MERTK: variants seen among roughly 807,000 people sequenced by gnomAD.
The protein encoded by MERTK is MER proto-oncogene, tyrosine kinase.
Under a neutral mutation model 99.3 loss-of-function variants are expected in MERTK, and 69 were observed. The ratio of observed to expected loss-of-function variants is 0.70; its 90% confidence interval spans 0.57 to 0.85. MERTK has a LOEUF of 0.85. Among genes scored for constraint, MERTK ranks in the 40% least tolerant of loss-of-function variants. The pLI is 0.00. For missense variants in MERTK, 1,125 were observed against 1,249.4 expected (o/e 0.90, Z 1.50); for synonymous variants, 426 against 467.6 (o/e 0.91, Z 1.15).
Position 111,982,831 on chromosome 2 carries a change from T to C in MERTK, c.1145-11T>C, listed in dbSNP as rs1676399201. The C allele has an allele frequency of 6.2e-7, 1 of 1,613,850 alleles. No individual in the cohort carries two copies. Among genetic ancestry groups the C allele is most frequent in the African/African-American group, 1.3e-5 (1 of 75,030 alleles). ...TGGTTCTTCATTCTTCTCTCCTTTTTTCTTTTGTAGCCCCATCAGTAGCAC... is the reference window on the plus strand; with the variant it reads ...TGGTTCTTCATTCTTCTCTCCTTTTCTCTTTTGTAGCCCCATCAGTAGCAC... On this transcript the variant is annotated splice_polypyrimidine_tract_variant and intron_variant, in intron 7 of 18. Transcript: ENST00000295408.
intron 2 of MERTK, chr2:111,940,872 G>A: frequency 4.0e-6 from 3 of 752,164 alleles, no homozygotes; most frequent in Non-Finnish European, 7.4e-6. Context: ...ACTCGGGCCA[G>A]TCACTGCTGT....
At chr2:111,960,412 C>T (rs1051951622) in intron 4 of MERTK, among the ~76,000 whole-genome samples, 10 of 140,156 alleles carry the variant, frequency 7.1e-5, no homozygotes, top group East Asian at 4.5e-4. Context: ...ACCTGGGAGG[C>T]GGAGGTTGCA....
chr2:111,908,690 C>G (rs1246183598), intron 1 of MERTK, among the ~76,000 whole-genome samples: 1 of 152,162 alleles, frequency 6.6e-6, no homozygotes, highest in East Asian at 1.9e-4. Flanking sequence ...AGCAGTCTGA[C>G]AGCAACCAGG....
chr2:111,954,210 CA>C (rs1449234575), intron 4 of MERTK, among the ~76,000 whole-genome samples: 1 of 152,230 alleles, frequency 6.6e-6, no homozygotes, highest in Non-Finnish European at 1.5e-5. Context: ...GCCTCACCTG[CA>C]AAGGCACCTG....
intron 1 of MERTK, among the ~76,000 whole-genome samples, chr2:111,922,879 G>A (rs1476784348): frequency 6.6e-6 from 1 of 152,190 alleles, no homozygotes; most frequent in Non-Finnish European, 1.5e-5. Context: ...TGGATTTGAG[G>A]GTAGGATGCA....
rs1226382494 is a variant in MERTK at position 112,008,490 on chromosome 2, T to C, written c.1960+15T>C. 9 of 1,602,714 alleles carry C rather than the reference T, an allele frequency of 5.6e-6. No individual in the cohort carries two copies. Among genetic ancestry groups the C allele is most frequent in the Non-Finnish European group, 7.7e-6 (9 of 1,169,766 alleles). On this transcript the variant is annotated intron_variant, in intron 14 of 18. Transcript: ENST00000295408. ...TCGACTTCTAGGTACTTCCGAGAAA[T>C]GCAGGAGTGGGTGGCCAAGAGGGCT...
At position 112,005,750 on chromosome 2, in the gene MERTK, T is replaced by C. The variant is rs1442421291; in HGVS notation, c.1867+1766T>C. Among the ~76,000 whole-genome samples the C allele has an allele frequency of 3.9e-5, 6 of 152,232 alleles. No individual in the cohort carries two copies. In the East Asian group the frequency reaches 7.7e-4, roughly 20 times the overall value. On this transcript the variant is annotated intron_variant, in intron 13 of 18. Coordinates refer to ENST00000295408, the MANE Select transcript of MERTK (RefSeq NM_006343.3). The stretch of plus-strand genomic sequence containing the variant: ...TTATTAACCCCTTGTACCTATTCAA[T>C]ACTATTTTTGATCAGGGAATAAAGT...
chr2:111,936,031 C>T (rs1213350948), intron 2 of MERTK, among the ~76,000 whole-genome samples: 3 of 152,114 alleles, frequency 2.0e-5, no homozygotes, highest in Non-Finnish European at 4.4e-5. Context: ...ATTCTCCTGA[C>T]TTAGTCTCCT....
chr2:111,939,146 C>G (rs553439305), intron 2 of MERTK, among the ~76,000 whole-genome samples: 1 of 152,264 alleles, frequency 6.6e-6, no homozygotes, highest in South Asian at 2.1e-4. Flanking sequence ...CATTCAAGGT[C>G]AAGGACCCCC....
At chr2:111,899,809 C>G (rs1684010988) in intron 1 of MERTK, among the ~76,000 whole-genome samples, 3 of 152,208 alleles carry the variant, frequency 2.0e-5, no homozygotes, top group African/African-American at 7.2e-5. Flanking sequence ...AGCCACCGCG[C>G]CCGGCTTGTT....
At chr2:112,021,645 G>T in intron 17 of MERTK, 64 bp downstream of exon 17, 1 of 1,461,338 alleles carries the variant, frequency 6.8e-7, no homozygotes. Context: ...TGAAAGAAAT[G>T]ACCTCAGCTG....
Position 111,975,324 on chromosome 2 carries a change from C to G in MERTK, c.996C>G (p.Val332=), listed in dbSNP as rs886054757. 1.2e-4 allele frequency: 188 copies of G among 1,614,056 alleles called. No individual in the cohort carries two copies. Among genetic ancestry groups the G allele is most frequent in the Non-Finnish European group, 1.6e-4 (184 of 1,180,038 alleles). Reference sequence around the variant, plus strand: ...CTGATCCGCTGAGTAATGGCTCAGTCATGATTTTTAACACCTCTGCCTTAC... The same window carrying G: ...CTGATCCGCTGAGTAATGGCTCAGTGATGATTTTTAACACCTCTGCCTTAC... ...KEADPLSNGS[V]MIFNTSALPH... Residue 332 remains valine, a synonymous_variant, in exon 7 of 19, where the codon GTC becomes GTG. Transcript: ENST00000295408.
intron 1 of MERTK, among the ~76,000 whole-genome samples, chr2:111,925,896 G>A (rs1221522590): frequency 1.3e-5 from 2 of 150,402 alleles, no homozygotes; most frequent in Non-Finnish European, 3.0e-5. Context: ...ACAGTGGCGC[G>A]ATCTCGGCTC....
intron 6 of MERTK, among the ~76,000 whole-genome samples, chr2:111,970,096 C>T (rs1021373423): frequency 6.6e-5 from 10 of 152,106 alleles, no homozygotes; most frequent in Non-Finnish European, 1.5e-4. Context: ...CAATTCCTCA[C>T]CAGGAATGGT....
At chr2:111,946,515 T>C (rs1266620112) in intron 3 of MERTK, among the ~76,000 whole-genome samples, 1 of 152,142 alleles carries the variant, frequency 6.6e-6, no homozygotes, top group Non-Finnish European at 1.5e-5. Context: ...CTTGGGACCT[T>C]GATTTTGGAA....
chr2:112,008,457 A>G lies in MERTK; in HGVS notation c.1942A>G (p.Asn648Asp). Residue 648 changes from asparagine to aspartate, a missense_variant, in exon 14 of 19, where the codon AAT becomes GAT. Asn to Asp is a conservative substitution (Grantham distance 23). Coordinates refer to ENST00000295408, the MANE Select transcript of MERTK (RefSeq NM_006343.3). ...AACMKDFSHPNVIRLLGVCIE... is the reference protein window; with the variant it reads ...AACMKDFSHPDVIRLLGVCIE... ...GTGCATGAAAGACTTCAGCCACCCA[A>G]ATGTCATTCGACTTCTAGGTACTTC... The G allele has an allele frequency of 6.2e-7, 1 of 1,614,006 alleles. No individual in the cohort carries two copies. The highest frequency in any genetic ancestry group is 1.7e-4 in the Middle Eastern group (1 of 6,060).
At chr2:111,989,924 A>C (rs773646402) in intron 8 of MERTK, among the ~76,000 whole-genome samples, 6 of 152,190 alleles carry the variant, frequency 3.9e-5, no homozygotes, top group Non-Finnish European at 8.8e-5. Context: ...TGAGGCTATG[A>C]ACCTGGTGTT....
At chr2:111,927,588 C>G (rs976911013) in intron 1 of MERTK, among the ~76,000 whole-genome samples, 2 of 152,140 alleles carry the variant, frequency 1.3e-5, no homozygotes, top group Non-Finnish European at 2.9e-5. Context: ...AGGAGGATCG[C>G]TTGAGCCTAG....
At chr2:111,984,549 G>A (rs1233219325) in intron 8 of MERTK, among the ~76,000 whole-genome samples, 4 of 152,176 alleles carry the variant, frequency 2.6e-5, no homozygotes. Flanking sequence ...AGAGCGAGGT[G>A]TGAGATGAAG....
Sources: gnomAD v4.1 joint callset for allele counts (sites outside exome capture counted in the v4.1 genomes callset) on GRCh38, gnomAD v4.1.1 for gene constraint, MANE v1.5 for transcripts, NCBI Gene and HGNC (gene_info 2026-07-23, HGNC 2026-07-21) for gene names.